The following CFDP1 variants were observed in gnomAD, a reference collection of about 807,000 sequenced individuals.
The protein encoded by CFDP1 is heterochromatin-stabilizing protein CFDP1.
CFDP1 carries 31 observed loss-of-function variants against 40.1 expected under a neutral mutation model. That is an observed-to-expected ratio of 0.77 (90% CI 0.58 to 1.04). The LOEUF is 1.04. Ranked by LOEUF, CFDP1 falls within the 50% of genes least tolerant of loss-of-function variation. CFDP1 has a pLI of 0.00. For synonymous variants in CFDP1, 167 were observed against 120.0 expected (o/e 1.39, Z -2.56); for missense variants, 423 against 343.4 (o/e 1.23, Z -1.83).
chr16:75,382,393 A>G (rs2078860030), intron 5 of CFDP1, among the ~76,000 whole-genome samples: 2 of 152,218 alleles, frequency 1.3e-5, no homozygotes, highest in South Asian at 2.1e-4. Context: ...TATATTCTAT[A>G]AAGACAGATA....
At chr16:75,428,686 G>A (rs997834534) in intron 1 of CFDP1, among the ~76,000 whole-genome samples, 1 of 150,322 alleles carries the variant, frequency 6.7e-6, no homozygotes, top group African/African-American at 2.4e-5. Flanking sequence ...AGAAAGGAAG[G>A]AAAGGAAAAG....
intron 5 of CFDP1, among the ~76,000 whole-genome samples, chr16:75,334,701 T>C (rs947386764): frequency 1.3e-5 from 2 of 152,140 alleles, no homozygotes; most frequent in African/African-American, 4.8e-5. Context: ...ACATCTGTAA[T>C]TGCAGCACTT....
chr16:75,298,864 A>T (rs1216294605), intron 6 of CFDP1, among the ~76,000 whole-genome samples: 3 of 152,152 alleles, frequency 2.0e-5, no homozygotes, highest in Admixed American at 2.0e-4. Context: ...ATTTTTTTGG[A>T]GAAAGAAAAT....
intron 6 of CFDP1, among the ~76,000 whole-genome samples, chr16:75,295,458 G>A (rs1045436485): frequency 3.9e-5 from 6 of 152,204 alleles, no homozygotes; most frequent in African/African-American, 1.4e-4. Flanking sequence ...AAATAAAATA[G>A]TGTCTACATC....
At chr16:75,334,095 A>G (rs191377498) in intron 5 of CFDP1, among the ~76,000 whole-genome samples, 1 of 152,230 alleles carries the variant, frequency 6.6e-6, no homozygotes, top group East Asian at 1.9e-4. Context: ...TGTGCAACAG[A>G]GGTATGGAAA....
chr16:75,334,004 G>C (rs1224900841), intron 5 of CFDP1, among the ~76,000 whole-genome samples: 3 of 152,130 alleles, frequency 2.0e-5, no homozygotes, highest in Non-Finnish European at 4.4e-5. Context: ...TTCTACTTCA[G>C]TGACTGAGAC....
At chr16:75,382,341 T>G (rs1411025814) in intron 5 of CFDP1, among the ~76,000 whole-genome samples, 1 of 152,232 alleles carries the variant, frequency 6.6e-6, no homozygotes, top group African/African-American at 2.4e-5. Flanking sequence ...TCCTTTGCTT[T>G]CATTATGGTG....
At position 75,295,770 on chromosome 16, in the gene CFDP1, G is replaced by A. The variant is rs180811191; in HGVS notation, c.810-1728C>T. 2.8e-3 allele frequency among the ~76,000 whole-genome samples: 432 copies of A among 152,280 alleles called. 4 individuals are homozygous for A. Among genetic ancestry groups the A allele is most frequent in the African/African-American group, 0.01 (416 of 41,560 alleles). On this transcript the variant is annotated intron_variant, in intron 6 of 6. Coordinates refer to ENST00000283882, the MANE Select transcript of CFDP1 (RefSeq NM_006324.3). The stretch of plus-strand genomic sequence containing the variant: ...AATTACAGGCTGCCTGGCTGAATTC[G>A]AACTTCAGAGTCCCTGGCAGTCAGG...
intron 5 of CFDP1, among the ~76,000 whole-genome samples, chr16:75,365,720 A>G (rs1232010948): frequency 6.6e-6 from 1 of 152,194 alleles, no homozygotes; most frequent in Non-Finnish European, 1.5e-5. Context: ...CAAAAAAACA[A>G]ACAAAAAACC....
At chr16:75,334,997 A>T (rs1288600677) in intron 5 of CFDP1, among the ~76,000 whole-genome samples, 1 of 152,146 alleles carries the variant, frequency 6.6e-6, no homozygotes. Flanking sequence ...GTCTGGAGAC[A>T]AAGCAAAACA....
At chr16:75,321,214 C>G (rs1036763925) in intron 5 of CFDP1, among the ~76,000 whole-genome samples, 2 of 152,184 alleles carry the variant, frequency 1.3e-5, no homozygotes, top group African/African-American at 2.4e-5. Flanking sequence ...ATCCTCCTAC[C>G]TCGGCATTCC....
rs146024746 is a variant in CFDP1 at position 75,393,056 on chromosome 16, T to A, written c.650+2034A>T. Among the ~76,000 whole-genome samples the A allele has an allele frequency of 1.6e-4, 25 of 152,298 alleles. No homozygotes were observed. In the East Asian group the frequency reaches 2.1e-3, roughly 13 times the overall value. ...GCCATGATACATGCTGAGAGCAGCA[T>A]CTTACAGCAAGCACGTGCAGCTCAC... On this transcript the variant is annotated intron_variant, in intron 5 of 6. Coordinates refer to ENST00000283882, the MANE Select transcript of CFDP1 (RefSeq NM_006324.3).
chr16:75,293,879 A>G lies in CFDP1; in HGVS notation c.*73T>C. ...GGAAACAGATGATGAGAAACACTGTAAAACATTTCACAGACGCACAAAAAG... is the reference window on the plus strand; with the variant it reads ...GGAAACAGATGATGAGAAACACTGTGAAACATTTCACAGACGCACAAAAAG... On this transcript the variant is annotated 3_prime_UTR_variant, in exon 7 of 7. Transcript: ENST00000283882. 1.6e-6 allele frequency: 2 copies of G among 1,278,390 alleles called. No individual in the cohort carries two copies. Among genetic ancestry groups the G allele is most frequent in the African/African-American group, 1.5e-5 (1 of 68,338 alleles). 79.2% of individuals were successfully genotyped at this position (1,278,390 alleles called of 1,614,324 possible). A position where few individuals can be genotyped will look rare whatever the true frequency, so the allele number is the denominator to read the frequency against.
intron 6 of CFDP1, among the ~76,000 whole-genome samples, chr16:75,295,463 T>C (rs2078175722): frequency 6.6e-6 from 1 of 152,254 alleles, no homozygotes; most frequent in Non-Finnish European, 1.5e-5. Flanking sequence ...AAATAGTGTC[T>C]ACATCACACA....
At chr16:75,338,557 T>C (rs941367015) in intron 5 of CFDP1, among the ~76,000 whole-genome samples, 1 of 152,152 alleles carries the variant, frequency 6.6e-6, no homozygotes, top group African/African-American at 2.4e-5. Context: ...GGGTGGCTGT[T>C]TCTACCTGCG....
intron 5 of CFDP1, chr16:75,379,811 T>C (rs4888394): frequency 0.85 from 128,747 of 151,834 alleles, 54,733 homozygotes; most frequent in Middle Eastern, 0.91. Flanking sequence ...TACAACCTCT[T>C]AAAATTAAAG....
intron 5 of CFDP1, among the ~76,000 whole-genome samples, chr16:75,328,591 C>A (rs12917683): frequency 9.9e-6 from 1 of 100,738 alleles, no homozygotes. Context: ...AAGAATGAAA[C>A]TCTGTCTTAA....
At chr16:75,426,838 T>C (rs1010553909) in intron 1 of CFDP1, among the ~76,000 whole-genome samples, 4 of 152,040 alleles carry the variant, frequency 2.6e-5, no homozygotes, top group Admixed American at 6.6e-5. Flanking sequence ...GTGGATCACT[T>C]GAGGTTGGGA....
At chr16:75,404,816 A>G (rs923527597) in intron 4 of CFDP1, among the ~76,000 whole-genome samples, 8 of 152,216 alleles carry the variant, frequency 5.3e-5, no homozygotes, top group African/African-American at 1.9e-4. Flanking sequence ...CAACAACAAA[A>G]GACCAATTAT....
Sources: allele counts gnomAD v4.1 joint callset (sites outside exome capture counted in the v4.1 genomes callset), GRCh38; gene constraint gnomAD v4.1.1; transcripts MANE v1.5; gene names NCBI Gene and HGNC (gene_info 2026-07-23, HGNC 2026-07-21).